Variants in COL17A1 observed in about 807,000 individuals in gnomAD.
The protein encoded by COL17A1 is collagen alpha-1(XVII) chain.
Under a neutral mutation model 218.4 loss-of-function variants are expected in COL17A1, and 181 were observed. The observed-to-expected ratio is 0.83, with a 90% confidence interval of 0.73 to 0.94. The LOEUF is 0.94. COL17A1 is among the 40% of genes least tolerant of loss of function. The pLI, the probability that COL17A1 is intolerant of heterozygous loss-of-function variation, is 0.00. For missense variants in COL17A1, 1,924 were observed against 1,945.9 expected (o/e 0.99, Z 0.21); for synonymous variants, 721 against 731.0 (o/e 0.99, Z 0.22).
chr10:104,041,504 G>A lies in COL17A1; in HGVS notation c.2586C>T (p.Pro862=), dbSNP rs759846848. 1.8e-4 allele frequency: 288 copies of A among 1,610,966 alleles called. No homozygotes were observed. In the Admixed American group the frequency reaches 3.0e-3, roughly 17 times the overall value. The part of the protein sequence containing the change: ...VLNLQGPPGP[P]GPRGPPGPSI... ...ACTCACCTGGTGGCCCGCGTGGGCC[G>A]GGTGGGCCTGGGGGACCTTGTAAAT... Residue 862 remains proline, a synonymous_variant, in exon 37 of 56, where the codon CCC becomes CCT. Coordinates refer to ENST00000648076, the MANE Select transcript of COL17A1 (RefSeq NM_000494.4).
intron 55 of COL17A1, 58 bp from the exon 56 acceptor site, chr10:104,032,348 T>G (rs977419026): frequency 4.7e-6 from 7 of 1,499,636 alleles, no homozygotes; most frequent in Non-Finnish European, 6.5e-6. Context: ...GTGGGGATCT[T>G]GGCTTGGGCA....
rs1257196948 is a variant in COL17A1 at position 104,061,977 on chromosome 10, T to C, written c.910+281A>G. Among the ~76,000 whole-genome samples the C allele has an allele frequency of 3.9e-5, 6 of 152,112 alleles. No individual in the cohort carries two copies. In the East Asian group the frequency reaches 1.2e-3, roughly 29 times the overall value. On this transcript the variant is annotated intron_variant, in intron 12 of 55. Coordinates refer to ENST00000648076, the MANE Select transcript of COL17A1 (RefSeq NM_000494.4). ...GACAGTGGGCTGTCAAGGACAGCAG[T>C]GAGCTGGCAAGACCACCAACCTAAC...
In COL17A1 at chr10:104,056,882, G is replaced by A. The variant is rs1283896617; in HGVS notation, c.1465+93C>T. On this transcript the variant is annotated intron_variant, in intron 17 of 55. Transcript: ENST00000648076. ...TTCAGGTCCCCTCGCCCCCTAACACGTGGGCCCATTCACAGATTCCTGCCC... is the reference window on the plus strand; with the variant it reads ...TTCAGGTCCCCTCGCCCCCTAACACATGGGCCCATTCACAGATTCCTGCCC... 63 of 1,544,240 alleles carry A rather than the reference G, an allele frequency of 4.1e-5. 1 individual carries two copies. The highest frequency in any genetic ancestry group is 2.3e-4 in the Middle Eastern group (1 of 4,384).
intron 29 of COL17A1, 80 bp from the exon 30 acceptor site, chr10:104,048,184 T>C (rs765671415): frequency 6.7e-7 from 1 of 1,488,362 alleles, no homozygotes; most frequent in Non-Finnish European, 9.4e-7. Context: ...CCAGTGGCCT[T>C]GAAGCACATT....
rs886531868 is a variant in COL17A1 at position 104,034,421 on chromosome 10, A to G, written c.3767-87T>C. On this transcript the variant is annotated intron_variant, in intron 51 of 55. Coordinates refer to ENST00000648076, the MANE Select transcript of COL17A1 (RefSeq NM_000494.4). Reference sequence around the variant, plus strand: ...GTTAGGGAGTCTCTCCCAGGGTGTCAATGCCCCTGAGAGACCAGAAGTGAA... The same window carrying G: ...GTTAGGGAGTCTCTCCCAGGGTGTCGATGCCCCTGAGAGACCAGAAGTGAA... The G allele has an allele frequency of 8.1e-6, 12 of 1,487,436 alleles. No individual in the cohort carries two copies. In the African/African-American group the frequency reaches 1.4e-4, roughly 17 times the overall value. 92.1% of individuals were successfully genotyped at this position (1,487,436 alleles called of 1,614,324 possible).
chr10:104,041,064 C>T lies in COL17A1; in HGVS notation c.2701+1G>A, dbSNP rs1442334401. Reference sequence around the variant, plus strand: ...GGTGCGACTTGACTCCCTGACATTACCTGAGTTGGACAGGAACGATCCTGG... The same window carrying T: ...GGTGCGACTTGACTCCCTGACATTATCTGAGTTGGACAGGAACGATCCTGG... On this transcript the variant is annotated splice_donor_variant, in intron 39 of 55. Transcript: ENST00000648076. LOFTEE classifies it high-confidence loss of function. The T allele has an allele frequency of 6.2e-7, 1 of 1,614,162 alleles. No individual in the cohort carries two copies. The highest frequency in any genetic ancestry group is 1.7e-5 in the Admixed American group (1 of 60,026).
chr10:104,074,027 A>C, intron 6 of COL17A1, 157 bp downstream of exon 6: 1 of 1,155,020 alleles, frequency 8.7e-7, no homozygotes, highest in South Asian at 1.3e-5. Flanking sequence ...ATGCTTCAGG[A>C]TAAAAAGCAA....
In COL17A1 at chr10:104,034,642, C is replaced by T. The variant is rs1383103030; in HGVS notation, c.3745G>A (p.Glu1249Lys). The change falls in exon 51 of 56, where the codon GAG becomes AAG. Residue 1249 changes from glutamate (E) to lysine (K), a missense_variant. Coordinates refer to ENST00000648076, the MANE Select transcript of COL17A1 (RefSeq NM_000494.4). ...CTACTTGTGAGGTAGCTGATCAGCTCGCTCCGGAAGCTGTCGCTGTTTTCA... is the reference window on the plus strand; with the variant it reads ...CTACTTGTGAGGTAGCTGATCAGCTTGCTCCGGAAGCTGTCGCTGTTTTCA... ...AAENSDSFRS[E>K]LISYLTSPDV... The T allele has an allele frequency of 1.7e-5, 27 of 1,610,226 alleles. No individual in the cohort carries two copies. The highest frequency in any genetic ancestry group is 9.4e-5 in the African/African-American group (7 of 74,864).
rs2086570162 is a variant in COL17A1 at position 104,060,207 on chromosome 10, G to A, written c.1053C>T (p.Asn351=). The change falls in exon 14 of 56, where the codon AAC becomes AAT. Residue 351 remains asparagine, a synonymous_variant. Transcript: ENST00000648076. ...GCTCCATCTCCTTCTTGGCAGGTGT[G>A]TTGTCTTTCTCTAGGATCAGGAACT... ...DCKFLILEKD[N]TPAKKEMELL... 2 of 1,614,054 alleles carry A rather than the reference G, an allele frequency of 1.2e-6. No individual in the cohort carries two copies. The highest frequency in any genetic ancestry group is 2.7e-5 in the African/African-American group (2 of 74,924).
rs1046385176 is a variant in COL17A1 at position 104,064,490 on chromosome 10, C to T, written c.714G>A (p.Met238Ile). The T allele has an allele frequency of 9.9e-6, 16 of 1,614,022 alleles. No homozygotes were observed. In the African/African-American group the frequency reaches 1.7e-4, roughly 18 times the overall value. Residue 238 changes from methionine to isoleucine, a missense_variant, in exon 10 of 56, where the codon ATG becomes ATA. Met to Ile is a conservative substitution (Grantham distance 10). Transcript: ENST00000648076. ...TGAGGAGGGATGAGCTCTGGGTTGT[C>T]ATGTTGTTGTGATAGGTCCCCATGG... ...GSSMGTYHNN[M>I]TTQSSSLLNT...
chr10:104,049,545 T>C lies in COL17A1; in HGVS notation c.2165-74A>G, dbSNP rs897635366. 7 of 1,507,496 alleles carry C rather than the reference T, an allele frequency of 4.6e-6. No homozygotes were observed. The Admixed American group carries it at 5.0e-5, about 11-fold the overall frequency. 93.4% of individuals were successfully genotyped at this position (1,507,496 alleles called of 1,614,324 possible). ...GCTTTAACAATGGTGGTCTGCTCCC[T>C]CCTCCAAGAGGTCAAGGAAGCAGCT... On this transcript the variant is annotated intron_variant, in intron 28 of 55. Coordinates refer to ENST00000648076, the MANE Select transcript of COL17A1 (RefSeq NM_000494.4).
At position 104,038,458 on chromosome 10, in the gene COL17A1, A is replaced by G; in HGVS notation, c.3018T>C (p.Ser1006=). ...GPPGPPGPPG[S]ISSSGQEIQQ... ...GAATCTCCTGGCCAGAGCTGCTGAT[A>G]GAGCCCGGAGGCCCAGGGGGCCCAG... The change falls in exon 45 of 56, where the codon TCT becomes TCC. Residue 1006 remains serine (S), a synonymous_variant. Transcript: ENST00000648076. 1 of 1,614,046 alleles carries G rather than the reference A, an allele frequency of 6.2e-7. No individual in the cohort carries two copies. Among genetic ancestry groups the G allele is most frequent in the Non-Finnish European group, 8.5e-7 (1 of 1,179,998 alleles).
In COL17A1 at chr10:104,037,747, C is replaced by G; in HGVS notation, c.3097G>C (p.Gly1033Arg). The change falls in exon 46 of 56, where the codon GGA (glycine) becomes CGA (arginine). Residue 1033 changes from glycine (G) to arginine (R), a missense_variant. Physicochemically the swap from Gly to Arg is moderately radical, Grantham distance 125 (BLOSUM62 -2). Coordinates refer to ENST00000648076, the MANE Select transcript of COL17A1 (RefSeq NM_000494.4). Reference protein sequence around the residue: ...QSDSIRSYLSGVQGPPGPPGP... With the variant: ...QSDSIRSYLSRVQGPPGPPGP... ...GGTGGGCCTGGGGGACCCTGAACTC[C>G]GGATAGGTAAGATCTAATACTGTCA... 1 of 1,614,078 alleles carries G rather than the reference C, an allele frequency of 6.2e-7. No homozygotes were observed. The highest frequency in any genetic ancestry group is 2.2e-5 in the East Asian group (1 of 44,870).
At chr10:104,037,815 A>C in intron 45 of COL17A1, 42 bp from the exon 46 acceptor site, 1 of 1,607,626 alleles carries the variant, frequency 6.2e-7, no homozygotes, top group African/African-American at 1.3e-5. Context: ...CTGTCCCAAG[A>C]GGACATGTTC....
chr10:104,076,280 T>C, intron 5 of COL17A1, 21 bp downstream of exon 5: 1 of 1,613,804 alleles, frequency 6.2e-7, no homozygotes, highest in Non-Finnish European at 8.5e-7. Flanking sequence ...GGTTCTCTTG[T>C]ATGGTTAGTG....
intron 10 of COL17A1, 76 bp from the exon 11 acceptor site, chr10:104,063,894 G>T: frequency 6.3e-7 from 1 of 1,597,664 alleles, no homozygotes; most frequent in East Asian, 2.2e-5. Flanking sequence ...TACCACAGAA[G>T]CACCAGAAGA....
At chr10:104,061,261 C>A (rs116337881) in intron 13 of COL17A1, 144 bp downstream of exon 13, 1 of 736,710 alleles carries the variant, frequency 1.4e-6, no homozygotes, top group Non-Finnish European at 2.2e-6. Context: ...GGGCAAGTTG[C>A]GTTTGCAGGC....
intron 48 of COL17A1, among the ~76,000 whole-genome samples, chr10:104,036,066 A>AGTATGGGTG (rs1564671172): frequency 1.2e-4 from 1 of 8,040 alleles, no homozygotes; most frequent in Non-Finnish European, 2.7e-4. Flanking sequence ...GTATGGGAGT[A>AGTATGGGTG]TGTGTATGGG....
chr10:104,066,753 A>G (rs1278525655), intron 9 of COL17A1, among the ~76,000 whole-genome samples: 1 of 152,200 alleles, frequency 6.6e-6, no homozygotes, highest in African/African-American at 2.4e-5. Flanking sequence ...TGCTCCCGTA[A>G]ATCCTTATCC....
Sources: allele counts gnomAD v4.1 joint callset (sites outside exome capture counted in the v4.1 genomes callset), GRCh38; gene constraint gnomAD v4.1.1; transcripts MANE v1.5; gene names NCBI Gene and HGNC (gene_info 2026-07-23, HGNC 2026-07-21).